The following LUC7L2 variants were observed in gnomAD, a reference collection of about 807,000 sequenced individuals.
LUC7L2 encodes LUC7 like 2, pre-mRNA splicing factor.
In LUC7L2, 25 loss-of-function variants were observed where a neutral mutation model predicts 52.8. That is an observed-to-expected ratio of 0.47 (90% CI 0.34 to 0.66). The LOEUF is 0.66. LUC7L2 is among the 30% of genes least tolerant of loss of function. The pLI is 0.01. For missense variants in LUC7L2, 328 were observed against 497.8 expected (o/e 0.66, Z 3.25); for synonymous variants, 144 against 160.9 (o/e 0.89, Z 0.80).
In LUC7L2 at chr7:139,422,204, G is replaced by A; in HGVS notation, c.1043G>A (p.Cys348Tyr). The change falls in exon 10 of 10, where the codon TGT becomes TAT. Residue 348 changes from cysteine to tyrosine, a missense_variant. Coordinates refer to ENST00000354926, the MANE Select transcript of LUC7L2 (RefSeq NM_016019.5). The stretch of plus-strand genomic sequence containing the variant: ...TTCAGAGACCAAGACTTAGCATCAT[G>A]TGACAGAGACAGGAGTTCAAGAGAC... ...ERFRDQDLAS[C>Y]DRDRSSRDRS... is the part of the protein sequence containing the mutation. The A allele has an allele frequency of 6.2e-7, 1 of 1,613,904 alleles. No homozygotes were observed. Among genetic ancestry groups the A allele is most frequent in the East Asian group, 2.2e-5 (1 of 44,888 alleles).
upstream of LUC7L2, among the ~76,000 whole-genome samples, chr7:139,357,259 T>C (rs540885054): frequency 2.6e-5 from 4 of 151,796 alleles, no homozygotes; most frequent in Non-Finnish European, 4.4e-5. Context: ...TAGGCAAAAA[T>C]AAGAGTTTTA....
chr7:139,352,559 A>G (rs1235301438), intron 1 of LUC7L2, among the ~76,000 whole-genome samples: 1 of 152,214 alleles, frequency 6.6e-6, no homozygotes, highest in Non-Finnish European at 1.5e-5. Flanking sequence ...TACTGATTTT[A>G]ATTCCCCTGT....
chr7:139,402,342 C>CA lies in LUC7L2; in HGVS notation c.366+98dup, dbSNP rs1794950461. 2.4e-5 allele frequency: 29 copies of CA among 1,225,004 alleles called. No homozygotes were observed. In the South Asian group the frequency reaches 4.8e-4, roughly 20 times the overall value. The allele number at this position is 1,225,004 out of a possible 1,614,324, so 75.9% of individuals were successfully genotyped here. A position where few individuals can be genotyped will look rare whatever the true frequency, so the allele number is the denominator to read the frequency against. On this transcript the variant is annotated intron_variant, in intron 4 of 9. Coordinates refer to ENST00000354926, the MANE Select transcript of LUC7L2 (RefSeq NM_016019.5). ...AAATAATTAGATTTGCAAGAGATTG[C>CA]AAAGACATATACAAGGAATTCTGTA...
intron 2 of LUC7L2, among the ~76,000 whole-genome samples, chr7:139,386,167 T>A (rs1244122006): frequency 2.0e-5 from 3 of 151,846 alleles, no homozygotes; most frequent in Non-Finnish European, 4.4e-5. Context: ...CACGCCTGGC[T>A]AATTTTTGTA....
chr7:139,373,626 A>G (rs1360468248), intron 1 of LUC7L2, among the ~76,000 whole-genome samples: 1 of 151,894 alleles, frequency 6.6e-6, no homozygotes, highest in Non-Finnish European at 1.5e-5. Flanking sequence ...CTCACCAGGG[A>G]TACTGCCTGG....
At chr7:139,390,775 C>T (rs1182267663) in intron 2 of LUC7L2, among the ~76,000 whole-genome samples, 1 of 152,082 alleles carries the variant, frequency 6.6e-6, no homozygotes, top group Admixed American at 6.5e-5. Flanking sequence ...CCAGGATGGT[C>T]TCGATCTCCT....
At chr7:139,347,255 G>C (rs1019769123) in intron 1 of LUC7L2, among the ~76,000 whole-genome samples, 1 of 152,118 alleles carries the variant, frequency 6.6e-6, no homozygotes. Flanking sequence ...ACATAACTTA[G>C]CTCCACTAGG....
At chr7:139,370,757 A>C (rs1199509686) in intron 1 of LUC7L2, among the ~76,000 whole-genome samples, 1 of 152,210 alleles carries the variant, frequency 6.6e-6, no homozygotes, top group Admixed American at 6.5e-5. Context: ...GCCCAGTGAC[A>C]CAAGGTTTTA....
At chr7:139,375,879 T>C in intron 1 of LUC7L2, 183 bp from the exon 2 acceptor site, 1 of 584,372 alleles carries the variant, frequency 1.7e-6, no homozygotes. Flanking sequence ...TGCAGTACAC[T>C]TACTGCAACT....
chr7:139,421,534 T>TTTA (rs1235378571), intron 9 of LUC7L2, among the ~76,000 whole-genome samples: 4 of 152,236 alleles, frequency 2.6e-5, no homozygotes, highest in Non-Finnish European at 1.5e-5. Flanking sequence ...TTTGTCTTTT[T>TTTA]TTATTTCCCC....
chr7:139,416,040 A>AATAAATAT (rs1795587481), intron 8 of LUC7L2: 1 of 97,744 alleles, frequency 1.0e-5, no homozygotes, highest in Non-Finnish European at 2.4e-5. Context: ...TGAGGTATAA[A>AATAAATAT]ATATATATAT....
At chr7:139,372,757 TAGTG>T (rs1445374620) in intron 1 of LUC7L2, among the ~76,000 whole-genome samples, 1 of 152,166 alleles carries the variant, frequency 6.6e-6, no homozygotes, top group Non-Finnish European at 1.5e-5. Flanking sequence ...CTTGGCAACA[TAGTG>T]AGACCCTGTC....
At position 139,414,997 on chromosome 7, in the gene LUC7L2, C is replaced by T. The variant is rs1163853771; in HGVS notation, c.809+2417C>T. Among the ~76,000 whole-genome samples the T allele has an allele frequency of 2.0e-5, 3 of 150,300 alleles. No homozygotes were observed. The East Asian group carries it at 6.0e-4, about 30-fold the overall frequency. On this transcript the variant is annotated intron_variant, in intron 8 of 9. Coordinates refer to ENST00000354926, the MANE Select transcript of LUC7L2 (RefSeq NM_016019.5). ...CGCCTCCCAGGTTCAAGTGATTCTT[C>T]TACCTTAGGCTCCCTAGTAGCTAGG... is the stretch of plus-strand genomic sequence containing the variant.
chr7:139,360,751 G>A (rs1001484777), intron 1 of LUC7L2, among the ~76,000 whole-genome samples: 7 of 152,124 alleles, frequency 4.6e-5, no homozygotes, highest in South Asian at 2.1e-4. Flanking sequence ...AGTACCTAGA[G>A]AGAAGCTTCC....
intron 1 of LUC7L2, among the ~76,000 whole-genome samples, chr7:139,343,663 G>A (rs764180143): frequency 4.6e-5 from 7 of 152,118 alleles, no homozygotes; most frequent in East Asian, 1.9e-4. Context: ...GGCCAGGAGC[G>A]GTGGCTCACA....
chr7:139,365,666 G>A (rs1366773824), intron 1 of LUC7L2, among the ~76,000 whole-genome samples: 2 of 152,146 alleles, frequency 1.3e-5, no homozygotes, highest in African/African-American at 4.8e-5. Context: ...GTTAAATGAG[G>A]CAGATACTCC....
At chr7:139,399,361 C>T (rs975908914) in intron 3 of LUC7L2, among the ~76,000 whole-genome samples, 11 of 149,342 alleles carry the variant, frequency 7.4e-5, no homozygotes, top group East Asian at 2.0e-4. Context: ...TTATATTAAA[C>T]GTGCATTCAT....
chr7:139,410,153 A>G (rs1019267359), intron 7 of LUC7L2, among the ~76,000 whole-genome samples: 5 of 151,898 alleles, frequency 3.3e-5, no homozygotes, highest in Non-Finnish European at 7.4e-5. Context: ...GCCTGCAGTG[A>G]GCTGAGATCG....
chr7:139,350,297 A>AT (rs1367000806), intron 1 of LUC7L2, among the ~76,000 whole-genome samples: 1 of 151,434 alleles, frequency 6.6e-6, no homozygotes, highest in Non-Finnish European at 1.5e-5. Flanking sequence ...AATTTTTTGT[A>AT]TTTTTAGTAG....
Sources: gnomAD v4.1 joint callset for allele counts (sites outside exome capture counted in the v4.1 genomes callset) on GRCh38, gnomAD v4.1.1 for gene constraint, MANE v1.5 for transcripts, NCBI Gene and HGNC (gene_info 2026-07-23, HGNC 2026-07-21) for gene names.